ATP8B4: variants seen among roughly 807,000 people sequenced by gnomAD.
ATP8B4 encodes probable phospholipid-transporting ATPase IM.
A neutral mutation model predicts 145.6 loss-of-function variants in ATP8B4; 133 were observed. The observed-to-expected ratio is 0.91, with a 90% CI of 0.79 to 1.05. The LOEUF is 1.05. Ranked by LOEUF, ATP8B4 falls within the 50% of genes least tolerant of loss-of-function variation. The pLI, the probability that ATP8B4 is intolerant of heterozygous loss-of-function variation, is 0.00. For missense variants in ATP8B4, 1,458 were observed against 1,425.2 expected (o/e 1.02, Z -0.37); for synonymous variants, 507 against 492.9 (o/e 1.03, Z -0.38).
At chr15:49,874,189 TA>T (rs1289190826) in intron 25 of ATP8B4, among the ~76,000 whole-genome samples, 1 of 152,178 alleles carries the variant, frequency 6.6e-6, no homozygotes, top group African/African-American at 2.4e-5. Context: ...AGAAAGACAT[TA>T]AACGAGAGAA....
At chr15:50,171,126 T>G (rs1162000758) in intron 1 of ATP8B4, among the ~76,000 whole-genome samples, 1 of 152,106 alleles carries the variant, frequency 6.6e-6, no homozygotes, top group Non-Finnish European at 1.5e-5. Flanking sequence ...ACTTCAATAC[T>G]CCACTGACAG....
chr15:49,934,037 A>C lies in ATP8B4; in HGVS notation c.1433T>G (p.Met478Arg). The C allele has an allele frequency of 6.2e-7, 1 of 1,610,752 alleles. No homozygotes were observed. The highest frequency in any genetic ancestry group is 8.5e-7 in the Non-Finnish European group (1 of 1,178,506). Residue 478 changes from methionine to arginine, a missense_variant, in exon 15 of 28, where the codon ATG becomes AGG. By Grantham distance (91) the Met-to-Arg change is moderately conservative (BLOSUM62 -1). Transcript: ENST00000284509. The stretch of plus-strand genomic sequence containing the variant: ...CTTACCTGCGCTATTCTCTTCTGAC[A>C]TTACAGTGTGGCAGAGAGCAAGTAA... ...LRLLALCHTV[M>R]SEENSAGELI...
At chr15:50,161,713 CTA>C (rs968357307) in intron 1 of ATP8B4, among the ~76,000 whole-genome samples, 4 of 151,792 alleles carry the variant, frequency 2.6e-5, no homozygotes, top group Non-Finnish European at 4.4e-5. Flanking sequence ...TCTTATTGTG[CTA>C]TGTTTTGAAA....
intron 6 of ATP8B4, among the ~76,000 whole-genome samples, chr15:50,016,409 G>C (rs1030234222): frequency 6.6e-6 from 1 of 152,204 alleles, no homozygotes; most frequent in Admixed American, 6.5e-5. Flanking sequence ...AGAAAACAGA[G>C]CTATTGGTCT....
intron 11 of ATP8B4, among the ~76,000 whole-genome samples, chr15:49,980,219 C>T (rs762610356): frequency 3.3e-5 from 5 of 152,120 alleles, no homozygotes; most frequent in African/African-American, 1.2e-4. Flanking sequence ...AAACACAGAG[C>T]CTGGCCAATA....
At chr15:50,157,233 T>C (rs2044433195) in intron 1 of ATP8B4, among the ~76,000 whole-genome samples, 1 of 152,208 alleles carries the variant, frequency 6.6e-6, no homozygotes, top group Admixed American at 6.5e-5. Context: ...AAGAGGAATA[T>C]ATAAGGTCCT....
intron 27 of ATP8B4, among the ~76,000 whole-genome samples, chr15:49,860,788 C>T (rs2031545638): frequency 1.3e-5 from 2 of 152,160 alleles, no homozygotes; most frequent in South Asian, 4.1e-4. Flanking sequence ...ATGCACCGCC[C>T]AAAGTCAGCA....
intron 16 of ATP8B4, among the ~76,000 whole-genome samples, chr15:49,924,941 T>C (rs1310317223): frequency 2.0e-5 from 3 of 152,212 alleles, no homozygotes; most frequent in African/African-American, 7.2e-5. Context: ...ATTTCCCTTA[T>C]ATTTTCTCCC....
chr15:50,027,959 G>T (rs942803134), intron 6 of ATP8B4, among the ~76,000 whole-genome samples: 3 of 152,142 alleles, frequency 2.0e-5, no homozygotes, highest in African/African-American at 4.8e-5. Context: ...GTTAAGTGAG[G>T]ACTTACTGTA....
At position 50,044,647 on chromosome 15, in the gene ATP8B4, G is replaced by C. The variant is rs201949459; in HGVS notation, c.247C>G (p.Pro83Ala). ...SSLTWFTTIV[P>A]LVLVITMTAV... is the part of the protein sequence containing the mutation. ...GTCATAGTTATCACCAGGACCAAAG[G>C]CACAATGGTGGTAAACCAGGTCAAG... Residue 83 changes from proline to alanine, a missense_variant, in exon 5 of 28, where the codon CCT becomes GCT. By Grantham distance (27) the Pro-to-Ala change is conservative. Transcript: ENST00000284509. 3.1e-4 allele frequency: 500 copies of C among 1,613,314 alleles called. 2 individuals carry two copies. The Middle Eastern group carries it at 4.1e-3, about 13-fold the overall frequency.
intron 6 of ATP8B4, among the ~76,000 whole-genome samples, chr15:50,011,658 T>C (rs964295312): frequency 2.0e-5 from 3 of 152,154 alleles, no homozygotes; most frequent in Non-Finnish European, 4.4e-5. Flanking sequence ...GATGACAAGT[T>C]AGTCAGGGCT....
At chr15:49,909,152 C>T (rs1008334615) in intron 20 of ATP8B4, among the ~76,000 whole-genome samples, 1 of 152,098 alleles carries the variant, frequency 6.6e-6, no homozygotes, top group African/African-American at 2.4e-5. Context: ...ATACCCCCCA[C>T]CCCAGTACTT....
chr15:49,993,730 G>C (rs2047210519), intron 9 of ATP8B4, among the ~76,000 whole-genome samples: 1 of 152,130 alleles, frequency 6.6e-6, no homozygotes, highest in South Asian at 2.1e-4. Context: ...CTTTAAGGTA[G>C]ATTGAAATGC....
intron 8 of ATP8B4, among the ~76,000 whole-genome samples, chr15:50,000,960 C>T (rs1399494108): frequency 6.6e-6 from 1 of 151,932 alleles, no homozygotes; most frequent in African/African-American, 2.4e-5. Flanking sequence ...TATGTGTGCA[C>T]AGTTGTTTGT....
At chr15:49,900,775 G>C (rs1020291981) in intron 21 of ATP8B4, among the ~76,000 whole-genome samples, 2 of 152,104 alleles carry the variant, frequency 1.3e-5, no homozygotes, top group Non-Finnish European at 2.9e-5. Flanking sequence ...AAGTAACAGT[G>C]AGCCGTAACA....
At chr15:50,128,351 G>A (rs1286233868) in intron 1 of ATP8B4, among the ~76,000 whole-genome samples, 2 of 152,354 alleles carry the variant, frequency 1.3e-5, no homozygotes, top group East Asian at 1.9e-4. Context: ...TTCTCCATCA[G>A]AGCATCAGAT....
chr15:50,074,036 G>T, intron 3 of ATP8B4, 91 bp downstream of exon 3: 2 of 1,109,848 alleles, frequency 1.8e-6, no homozygotes, highest in Non-Finnish European at 2.6e-6. Context: ...GAAAGTTTTT[G>T]GTGAAGTCAT....
chr15:49,893,851 T>C (rs1265210026), intron 23 of ATP8B4, among the ~76,000 whole-genome samples: 1 of 152,224 alleles, frequency 6.6e-6, no homozygotes, highest in Non-Finnish European at 1.5e-5. Flanking sequence ...CTTCATATGG[T>C]TATTGTAACT....
intron 3 of ATP8B4, among the ~76,000 whole-genome samples, chr15:50,057,936 T>C (rs1180526611): frequency 6.6e-6 from 1 of 152,168 alleles, no homozygotes; most frequent in Non-Finnish European, 1.5e-5. Context: ...ACATTTTAAG[T>C]AGTTGCAGTA....
Sources: gnomAD v4.1 joint callset for allele counts (sites outside exome capture counted in the v4.1 genomes callset) on GRCh38, gnomAD v4.1.1 for gene constraint, MANE v1.5 for transcripts, NCBI Gene and HGNC (gene_info 2026-07-23, HGNC 2026-07-21) for gene names.